The following THADA variants were observed in gnomAD, a reference collection of about 807,000 sequenced individuals.
THADA encodes THADA armadillo repeat containing.
THADA carries 213 observed loss-of-function variants against 219.8 expected under a neutral mutation model. The ratio of observed to expected loss-of-function variants is 0.97; its 90% CI spans 0.87 to 1.09. THADA has a LOEUF of 1.09. Ranked by LOEUF, THADA falls within the 50% of genes least tolerant of loss-of-function variation. The pLI is 0.00. For missense variants in THADA, 2,956 were observed against 2,311.3 expected, an observed-to-expected ratio of 1.28 and a Z score of -5.72; for synonymous variants, 1,018 against 828.9, an observed-to-expected ratio of 1.23 and a Z score of -3.92.
chr2:43,299,182 TAA>T (rs60496612), intron 31 of THADA, among the ~76,000 whole-genome samples: 22,094 of 147,110 alleles, frequency 0.15, 1,876 homozygotes, highest in African/African-American at 0.24. Context: ...TGCAAATATT[TAA>T]AAAAAAAAAA....
chr2:43,407,145 G>C (rs1354952590), intron 28 of THADA, among the ~76,000 whole-genome samples: 1 of 152,114 alleles, frequency 6.6e-6, no homozygotes, highest in Non-Finnish European at 1.5e-5. Flanking sequence ...AGTTCTCAAA[G>C]TGATTTAATA....
At chr2:43,561,566 T>C (rs982895677) in intron 15 of THADA, among the ~76,000 whole-genome samples, 6 of 152,198 alleles carry the variant, frequency 3.9e-5, no homozygotes, top group African/African-American at 1.4e-4. Context: ...AAAACATTAT[T>C]ATGCTTAGTT....
Position 43,571,700 on chromosome 2 carries a change from A to G in THADA, c.2064+7T>C. 6.2e-7 allele frequency: 1 copy of G among 1,604,696 alleles called. No individual in the cohort carries two copies. The highest frequency in any genetic ancestry group is 1.1e-5 in the South Asian group (1 of 89,898). On this transcript the variant is annotated splice_region_variant and intron_variant, in intron 13 of 37. Coordinates refer to ENST00000405975, the MANE Select transcript of THADA (RefSeq NM_022065.5). ...ACTTCCCTATGCCTTCTGATGGGAA[A>G]TTCTACCTTTTTAAGAAGAGAACAG...
At chr2:43,584,858 T>A (rs924792869) in intron 7 of THADA, among the ~76,000 whole-genome samples, 7 of 152,152 alleles carry the variant, frequency 4.6e-5, no homozygotes, top group African/African-American at 1.7e-4. Flanking sequence ...AACTTGTTTA[T>A]CTTTAGAAAA....
At chr2:43,301,060 G>A (rs1472804508) in intron 31 of THADA, among the ~76,000 whole-genome samples, 1 of 152,168 alleles carries the variant, frequency 6.6e-6, no homozygotes, top group African/African-American at 2.4e-5. Context: ...TGTAGATTCT[G>A]ATTCAGTTGG....
chr2:43,363,874 A>T (rs936055238), intron 29 of THADA, among the ~76,000 whole-genome samples: 3 of 152,124 alleles, frequency 2.0e-5, no homozygotes, highest in African/African-American at 4.8e-5. Context: ...GCAGTGAGCC[A>T]TGATGGCACC....
At chr2:43,421,029 C>A (rs1677651537) in intron 28 of THADA, among the ~76,000 whole-genome samples, 1 of 152,164 alleles carries the variant, frequency 6.6e-6, no homozygotes, top group Non-Finnish European at 1.5e-5. Flanking sequence ...CTATATAAGG[C>A]CTAAAACACC....
rs373291919 is a variant in THADA, at chr2:43,292,239, C to T, written c.4819-17G>A. On this transcript the variant is annotated splice_polypyrimidine_tract_variant and intron_variant, in intron 32 of 37. Coordinates refer to ENST00000405975, the MANE Select transcript of THADA (RefSeq NM_022065.5). ...TTTCAGTATCTGTGTAAGCCAAATC[C>T]GCACACAAAAAAGAGAAATAAATAC... The T allele has an allele frequency of 8.7e-6, 13 of 1,494,492 alleles. No homozygotes were observed. Among genetic ancestry groups the T allele is most frequent in the African/African-American group, 4.2e-5 (3 of 71,234 alleles). The allele number at this position is 1,494,492 out of a possible 1,614,324, so 92.6% of individuals were successfully genotyped here.
chr2:43,396,742 C>T (rs373782373), intron 29 of THADA, among the ~76,000 whole-genome samples: 1 of 151,608 alleles, frequency 6.6e-6, no homozygotes, highest in Non-Finnish European at 1.5e-5. Context: ...ACGCAGGAGG[C>T]GGAGTTTGCA....
chr2:43,587,226 C>T (rs1701120169), intron 4 of THADA, among the ~76,000 whole-genome samples: 1 of 152,144 alleles, frequency 6.6e-6, no homozygotes, highest in African/African-American at 2.4e-5. Flanking sequence ...TTATTCTCAA[C>T]AGAACAGGCA....
intron 8 of THADA, among the ~76,000 whole-genome samples, chr2:43,580,824 G>A (rs1476173964): frequency 1.3e-5 from 2 of 151,692 alleles, no homozygotes; most frequent in Non-Finnish European, 2.9e-5. Flanking sequence ...AGGTTGCAGT[G>A]AGCCAAGATC....
chr2:43,343,505 C>T (rs879586342), intron 30 of THADA: 1 of 152,276 alleles, frequency 6.6e-6, no homozygotes. Context: ...AGATTTTGAA[C>T]ATGGCATTAC....
At chr2:43,428,451 A>C (rs1678788560) in intron 27 of THADA, among the ~76,000 whole-genome samples, 1 of 152,102 alleles carries the variant, frequency 6.6e-6, no homozygotes, top group African/African-American at 2.4e-5. Flanking sequence ...CTACTAATAC[A>C]AAAAACTAGC....
rs757916965 is a variant in THADA at position 43,592,329 on chromosome 2, C to T, written c.64G>A (p.Glu22Lys). The part of the protein sequence containing the change: ...AALTICHQDL[E>K]TLKSFADVEG... ...AGAAGTCACCTACATTTCAAAGTTT[C>T]AAGGTCCTGATGGCAAATGGTCAGC... The change falls in exon 2 of 38, where the codon GAA (glutamate) becomes AAA (lysine). Residue 22 changes from glutamate (E) to lysine (K), a missense_variant. By Grantham distance (56) the Glu-to-Lys change is moderately conservative. Coordinates refer to ENST00000405975, the MANE Select transcript of THADA (RefSeq NM_022065.5). 8.1e-6 allele frequency: 13 copies of T among 1,605,476 alleles called. No homozygotes were observed. Among genetic ancestry groups the T allele is most frequent in the Middle Eastern group, 1.6e-4 (1 of 6,070 alleles).
chr2:43,488,426 T>C (rs1003005112), intron 25 of THADA, among the ~76,000 whole-genome samples: 8 of 152,304 alleles, frequency 5.3e-5, no homozygotes, highest in Non-Finnish European at 1.0e-4. Flanking sequence ...CATGGGATCA[T>C]GTAGTATGCG....
chr2:43,271,611 A>ATTTT (rs1672129302), intron 36 of THADA, among the ~76,000 whole-genome samples: 1 of 137,216 alleles, frequency 7.3e-6, no homozygotes, highest in Non-Finnish European at 1.5e-5. Flanking sequence ...CACTCTTGGA[A>ATTTT]CTTTTTTTTT....
At chr2:43,475,473 T>C (rs1241340869) in intron 26 of THADA, among the ~76,000 whole-genome samples, 1 of 150,848 alleles carries the variant, frequency 6.6e-6, no homozygotes, top group Non-Finnish European at 1.5e-5. Context: ...GACTTCACAT[T>C]ATTTGGCCTT....
chr2:43,292,484 G>A (rs2104369177), intron 32 of THADA, among the ~76,000 whole-genome samples: 1 of 152,256 alleles, frequency 6.6e-6, no homozygotes, highest in South Asian at 2.1e-4. Context: ...ATGCTTCCCA[G>A]GTGGCCAACT....
intron 26 of THADA, among the ~76,000 whole-genome samples, chr2:43,444,847 G>C (rs1573680818): frequency 6.6e-6 from 1 of 152,240 alleles, no homozygotes; most frequent in East Asian, 1.9e-4. Flanking sequence ...AGAAAAGCTA[G>C]CAAAGGCAAG....
Sources: gnomAD v4.1 joint callset for allele counts (sites outside exome capture counted in the v4.1 genomes callset) on GRCh38, gnomAD v4.1.1 for gene constraint, MANE v1.5 for transcripts, NCBI Gene and HGNC (gene_info 2026-07-23, HGNC 2026-07-21) for gene names.